Variants in DCDC1 observed in about 807,000 individuals in gnomAD.
DCDC1 encodes doublecortin domain containing 1.
DCDC1 carries 200 observed loss-of-function variants against 178.3 expected under a neutral mutation model. That is an observed-to-expected ratio of 1.12 (90% CI 1.00 to 1.26). The LOEUF (loss-of-function observed/expected upper bound fraction) is 1.26. DCDC1 is among the 50% of genes most tolerant of loss of function. The pLI is 0.00. For synonymous variants in DCDC1, 690 were observed against 604.8 expected (o/e 1.14, Z -2.07); for missense variants, 1,983 against 1,749.2 (o/e 1.13, Z -2.38).
intron 20 of DCDC1, among the ~76,000 whole-genome samples, chr11:31,040,197 C>G (rs955872289): frequency 6.6e-6 from 1 of 152,102 alleles, no homozygotes; most frequent in Non-Finnish European, 1.5e-5. Flanking sequence ...GAAAAAAAAG[C>G]AACGGAATAT....
Position 31,290,789 on chromosome 11 carries a change from A to G in DCDC1, c.818T>C (p.Ile273Thr), listed in dbSNP as rs368433945. Residue 273 changes from isoleucine to threonine, a missense_variant, in exon 7 of 39, where the codon ATC (isoleucine) becomes ACC (threonine). Coordinates refer to ENST00000684477, the MANE Select transcript of DCDC1 (RefSeq NM_001387274.1). ...AACAGGCTTGGTTTTCCGTCTTTTGATATCAGTAGGAAGCATCAACCCATT... is the reference window on the plus strand; with the variant it reads ...AACAGGCTTGGTTTTCCGTCTTTTGGTATCAGTAGGAAGCATCAACCCATT... Reference protein sequence around the residue: ...TMNGLMLPTDIKRRKTKPVLS... With the variant: ...TMNGLMLPTDTKRRKTKPVLS... 80 of 1,613,308 alleles carry G rather than the reference A, an allele frequency of 5.0e-5. No homozygotes were observed. Among genetic ancestry groups the G allele is most frequent in the Non-Finnish European group, 6.1e-5 (72 of 1,179,584 alleles).
At chr11:30,925,503 G>T in intron 22 of DCDC1, 95 bp from the exon 23 acceptor site, 2 of 1,059,994 alleles carry the variant, frequency 1.9e-6, no homozygotes, top group Non-Finnish European at 2.8e-6. Flanking sequence ...AATCCATAAT[G>T]ACAACTCTCT....
intron 9 of DCDC1, among the ~76,000 whole-genome samples, chr11:31,201,751 C>T (rs1211063035): frequency 6.6e-6 from 1 of 150,812 alleles, no homozygotes. Context: ...GTGAAATTTG[C>T]AAGAGTTGGA....
intron 20 of DCDC1, among the ~76,000 whole-genome samples, chr11:31,023,919 G>A (rs937628260): frequency 2.6e-4 from 39 of 152,084 alleles, no homozygotes; most frequent in African/African-American, 8.2e-4. Context: ...AATTTGGGAA[G>A]GAAATCAATA....
intron 21 of DCDC1, chr11:30,943,055 TTTTCTC>T (rs1947765489): frequency 6.6e-6 from 1 of 152,140 alleles, no homozygotes; most frequent in Non-Finnish European, 1.5e-5. Flanking sequence ...TCTCCCTCCA[TTTTCTC>T]AGTTGGAATT....
At chr11:31,268,927 C>G (rs1945361353) in intron 7 of DCDC1, among the ~76,000 whole-genome samples, 1 of 152,178 alleles carries the variant, frequency 6.6e-6, no homozygotes, top group Non-Finnish European at 1.5e-5. Flanking sequence ...GGTTACAACA[C>G]TTTCTAACTC....
At chr11:31,128,906 C>A (rs1962026581) in intron 10 of DCDC1, among the ~76,000 whole-genome samples, 1 of 152,132 alleles carries the variant, frequency 6.6e-6, no homozygotes, top group South Asian at 2.1e-4. Flanking sequence ...CTATCTCTAT[C>A]ACTATTTCAC....
intron 20 of DCDC1, among the ~76,000 whole-genome samples, chr11:30,970,629 AG>A (rs1023056270): frequency 2.0e-5 from 3 of 152,192 alleles, no homozygotes; most frequent in Admixed American, 1.3e-4. Context: ...TAATGCCCTG[AG>A]GACAAGCTAC....
At chr11:31,018,077 AC>A (rs1952608284) in intron 20 of DCDC1, among the ~76,000 whole-genome samples, 1 of 151,802 alleles carries the variant, frequency 6.6e-6, no homozygotes, top group Non-Finnish European at 1.5e-5. Context: ...AACTGTCACC[AC>A]CCACCAGAAA....
intron 15 of DCDC1, among the ~76,000 whole-genome samples, 160 bp from the exon 16 acceptor site, chr11:31,094,344 T>A (rs1958006367): frequency 6.6e-6 from 1 of 152,162 alleles, no homozygotes; most frequent in Non-Finnish European, 1.5e-5. Flanking sequence ...ATTCAATCAA[T>A]ATTTGTTGAG....
intron 1 of DCDC1, among the ~76,000 whole-genome samples, chr11:31,337,789 G>A (rs988000807): frequency 2.6e-5 from 4 of 152,154 alleles, no homozygotes. Context: ...GAAGCACAGA[G>A]TCAGGGAATA....
At chr11:30,927,660 A>G (rs895726690) in intron 22 of DCDC1, among the ~76,000 whole-genome samples, 3 of 152,168 alleles carry the variant, frequency 2.0e-5, no homozygotes, top group African/African-American at 4.8e-5. Flanking sequence ...AGTAGAAGGT[A>G]CCAACAACAA....
intron 8 of DCDC1, among the ~76,000 whole-genome samples, chr11:31,259,089 G>A (rs940508213): frequency 3.3e-5 from 5 of 152,110 alleles, no homozygotes; most frequent in Admixed American, 2.0e-4. Flanking sequence ...GGTGGCTCAC[G>A]TCTGAAATCC....
intron 20 of DCDC1, among the ~76,000 whole-genome samples, chr11:31,039,703 T>C (rs1213746042): frequency 6.6e-6 from 1 of 152,142 alleles, no homozygotes; most frequent in Admixed American, 6.5e-5. Flanking sequence ...AATGATATGA[T>C]ATTCACAAGG....
intron 7 of DCDC1, among the ~76,000 whole-genome samples, chr11:31,272,025 G>T (rs1289691027): frequency 6.6e-6 from 1 of 152,072 alleles, no homozygotes; most frequent in Non-Finnish European, 1.5e-5. Context: ...AGCTGGGTGT[G>T]GTGGCGGGCA....
At chr11:31,103,230 A>G (rs1347618128) in intron 14 of DCDC1, among the ~76,000 whole-genome samples, 1 of 152,202 alleles carries the variant, frequency 6.6e-6, no homozygotes, top group Non-Finnish European at 1.5e-5. Flanking sequence ...TGCCCCAACG[A>G]GTCCCCAGAA....
At position 31,328,125 on chromosome 11, in the gene DCDC1, A is replaced by G; in HGVS notation, c.156T>C (p.Asp52=). ...VNPIYKYILN[D]LPREFMSSQA... is the part of the protein sequence containing the mutation. ...TGAAATAATGTTCTTACCTTGGTAAATCATTCAAAATATATTTGTAAATTG... is the reference window on the plus strand; with the variant it reads ...TGAAATAATGTTCTTACCTTGGTAAGTCATTCAAAATATATTTGTAAATTG... Residue 52 remains aspartate (D), a synonymous_variant, in exon 3 of 39, where the codon GAT becomes GAC. Coordinates refer to ENST00000684477, the MANE Select transcript of DCDC1 (RefSeq NM_001387274.1). 5 of 1,600,408 alleles carry G rather than the reference A, an allele frequency of 3.1e-6. No individual in the cohort carries two copies. The highest frequency in any genetic ancestry group is 2.2e-5 in the East Asian group (1 of 44,510).
chr11:30,944,979 T>TTC (rs1306925669), intron 21 of DCDC1, among the ~76,000 whole-genome samples: 1 of 141,144 alleles, frequency 7.1e-6, no homozygotes, highest in African/African-American at 2.7e-5. Context: ...TTTTTTTTTT[T>TTC]TTTTTTTGAG....
intron 21 of DCDC1, among the ~76,000 whole-genome samples, chr11:30,951,863 A>G (rs1481423273): frequency 1.3e-5 from 2 of 152,280 alleles, no homozygotes; most frequent in East Asian, 1.9e-4. Flanking sequence ...TAGAAAGCAC[A>G]TAATAATCCA....
Sources: allele counts gnomAD v4.1 joint callset (sites outside exome capture counted in the v4.1 genomes callset), GRCh38; gene constraint gnomAD v4.1.1; transcripts MANE v1.5; gene names NCBI Gene and HGNC (gene_info 2026-07-23, HGNC 2026-07-21).